Variants in RAB14 observed in about 807,000 individuals in gnomAD.
RAB14 encodes ras-related protein Rab-14.
RAB14 carries 3 observed loss-of-function variants against 31.1 expected under a neutral mutation model. The ratio of observed to expected loss-of-function variants is 0.10; its 90% CI spans 0.04 to 0.25. The LOEUF (loss-of-function observed/expected upper bound fraction) is 0.25, where lower values mean the gene tolerates loss of function less well. RAB14 is among the 10% of genes least tolerant of loss of function. The pLI, the probability that RAB14 is intolerant of heterozygous loss-of-function variation, is 1.00. For synonymous variants in RAB14, 85 were observed against 84.9 expected (o/e 1.00, Z 0.00); for missense variants, 111 against 260.1 (o/e 0.43, Z 3.94).
intron 3 of RAB14, among the ~76,000 whole-genome samples, chr9:121,191,624 A>G (rs1250610728): frequency 1.3e-5 from 2 of 152,198 alleles, no homozygotes; most frequent in East Asian, 1.9e-4. Context: ...TCTCCAGTAC[A>G]AGGACACAGA....
rs1201212204 is a variant in RAB14 at position 121,191,235 on chromosome 9, T to C, written c.107-504A>G. 3.3e-5 allele frequency among the ~76,000 whole-genome samples: 5 copies of C among 152,158 alleles called. No individual in the cohort carries two copies. The East Asian group carries it at 9.6e-4, about 29-fold the overall frequency. On this transcript the variant is annotated intron_variant, in intron 3 of 7. Coordinates refer to ENST00000373840, the MANE Select transcript of RAB14 (RefSeq NM_016322.4). Reference sequence around the variant, plus strand: ...TTAGCCTTCTTACAATCATTATCTATAACAGATCAATCAATGGTCTTGGTA... The same window carrying C: ...TTAGCCTTCTTACAATCATTATCTACAACAGATCAATCAATGGTCTTGGTA...
chr9:121,192,323 G>A, intron 2 of RAB14, 99 bp from the exon 3 acceptor site: 1 of 800,418 alleles, frequency 1.2e-6, no homozygotes, highest in East Asian at 2.9e-5. Flanking sequence ...CAAGTTTCTG[G>A]GACACTTAAC....
intron 4 of RAB14, among the ~76,000 whole-genome samples, chr9:121,187,300 G>A (rs1404049997): frequency 6.6e-6 from 1 of 151,992 alleles, no homozygotes. Context: ...CAATAAGCAA[G>A]CAAGGAACAA....
intron 1 of RAB14, among the ~76,000 whole-genome samples, chr9:121,194,355 T>C (rs1339929988): frequency 6.6e-6 from 1 of 152,164 alleles, no homozygotes; most frequent in Non-Finnish European, 1.5e-5. Flanking sequence ...TTAGAAGATA[T>C]TTCAAAAGAT....
At chr9:121,182,548 T>C (rs1045910869) in intron 7 of RAB14, among the ~76,000 whole-genome samples, 1 of 152,250 alleles carries the variant, frequency 6.6e-6, no homozygotes, top group Non-Finnish European at 1.5e-5. Context: ...AATCATGCTT[T>C]TTAATGTGAT....
intron 4 of RAB14, among the ~76,000 whole-genome samples, chr9:121,189,042 T>C (rs1185024038): frequency 1.3e-5 from 2 of 152,128 alleles, no homozygotes; most frequent in Non-Finnish European, 2.9e-5. Flanking sequence ...AATGAAATCA[T>C]ACAGTATGTG....
At chr9:121,182,628 A>T (rs2053639281) in intron 7 of RAB14, among the ~76,000 whole-genome samples, 1 of 152,252 alleles carries the variant, frequency 6.6e-6, no homozygotes, top group Non-Finnish European at 1.5e-5. Context: ...CACTTGTGAA[A>T]AGTCAAACAC....
Position 121,201,855 on chromosome 9 carries a change from G to A in RAB14, c.-224C>T, listed in dbSNP as rs1179212402. On this transcript the variant is annotated 5_prime_UTR_variant, in exon 1 of 8. Transcript: ENST00000373840. ...CCTGTGCTCCCTCAGTATCTTCCTC[G>A]GGCTGGTCCAAGATGGCGGCGCTCC... 1 of 152,356 alleles carries A rather than the reference G, an allele frequency of 6.6e-6. No individual in the cohort carries two copies. Among genetic ancestry groups the A allele is most frequent in the Non-Finnish European group, 1.5e-5 (1 of 68,206 alleles). 9.4% of individuals were successfully genotyped at this position (152,356 alleles called of 1,614,324 possible). A position where few individuals can be genotyped will look rare whatever the true frequency, so the allele number is the denominator to read the frequency against.
intron 4 of RAB14, among the ~76,000 whole-genome samples, chr9:121,189,549 T>C (rs1269979644): frequency 2.0e-5 from 3 of 152,132 alleles, no homozygotes; most frequent in Admixed American, 6.6e-5. Context: ...TTAGGCACTA[T>C]AATTATAATT....
chr9:121,182,271 G>T (rs1006212224), intron 7 of RAB14, among the ~76,000 whole-genome samples: 1 of 152,090 alleles, frequency 6.6e-6, no homozygotes, highest in Non-Finnish European at 1.5e-5. Flanking sequence ...GAATAATATG[G>T]TCTGCTCAGC....
At chr9:121,182,475 A>G (rs2053638598) in intron 7 of RAB14, among the ~76,000 whole-genome samples, 1 of 152,246 alleles carries the variant, frequency 6.6e-6, no homozygotes, top group South Asian at 2.1e-4. Flanking sequence ...ACAGTTCAAT[A>G]GCAGACATGG....
Position 121,186,996 on chromosome 9 carries a change from C to T in RAB14, c.308G>A (p.Ser103Asn). 6.4e-7 allele frequency: 1 copy of T among 1,567,594 alleles called. No homozygotes were observed. Among genetic ancestry groups the T allele is most frequent in the Non-Finnish European group, 8.6e-7 (1 of 1,157,376 alleles). The change falls in exon 5 of 8, where the codon AGC becomes AAC. Residue 103 changes from serine (S) to asparagine (N), a missense_variant. Transcript: ENST00000373840. ...ITRRSTYNHL[S>N]SWLTDARNLT... ...ATTCCTTGCATCTGTCAACCAGCTG[C>T]TTAAGTGGTTATATGTACTTCTTCT...
intron 1 of RAB14, among the ~76,000 whole-genome samples, chr9:121,195,560 A>G (rs771239300): frequency 2.0e-4 from 31 of 152,306 alleles, no homozygotes; most frequent in Admixed American, 3.9e-4. Flanking sequence ...TAAATGTGAG[A>G]TAACTAATTT....
At chr9:121,201,208 G>A (rs1055177576) in intron 1 of RAB14, among the ~76,000 whole-genome samples, 1 of 152,190 alleles carries the variant, frequency 6.6e-6, no homozygotes, top group African/African-American at 2.4e-5. Flanking sequence ...CCACGTCTGG[G>A]GCTTGCGGGC....
chr9:121,182,308 CG>C (rs1323554630), intron 7 of RAB14, among the ~76,000 whole-genome samples: 1 of 152,160 alleles, frequency 6.6e-6, no homozygotes, highest in Non-Finnish European at 1.5e-5. Context: ...TGTTTTTAAT[CG>C]GGTAATGGTG....
At chr9:121,189,713 ATCAAGAGGAAACCTTTTAAGGCATTT>A (rs1367473794) in intron 4 of RAB14, among the ~76,000 whole-genome samples, 4 of 152,174 alleles carry the variant, frequency 2.6e-5, no homozygotes, top group Non-Finnish European at 5.9e-5. Flanking sequence ...ATTATGACAC[ATCAAGAGGAAACCTTTTAAGGCATTT>A]TCCGAAAGGA....
chr9:121,200,073 A>T (rs765381962), intron 1 of RAB14, among the ~76,000 whole-genome samples: 1 of 152,264 alleles, frequency 6.6e-6, no homozygotes, highest in Non-Finnish European at 1.5e-5. Context: ...CCCTTTATAG[A>T]TAAGGACACT....
chr9:121,181,658 C>G, intron 7 of RAB14, 85 bp from the exon 8 acceptor site: 1 of 1,109,864 alleles, frequency 9.0e-7, no homozygotes, highest in South Asian at 1.7e-5. Flanking sequence ...CTTTAGTTAA[C>G]TGCCATGATG....
rs2053624483 is a variant in RAB14, at chr9:121,180,000, A to G, written c.*1396T>C. 6.6e-6 allele frequency: 1 copy of G among 152,626 alleles called. No homozygotes were observed. The highest frequency in any genetic ancestry group is 2.4e-5 in the African/African-American group (1 of 41,444). 9.5% of individuals were successfully genotyped at this position (152,626 alleles called of 1,614,324 possible). The stretch of plus-strand genomic sequence containing the variant: ...AAAACATGTTGTCCAAAAAAATAAG[A>G]TTGTTTCTCTTGCTATACAGTATTA... On this transcript the variant is annotated 3_prime_UTR_variant, in exon 8 of 8. Transcript: ENST00000373840.
Sources: allele counts gnomAD v4.1 joint callset (sites outside exome capture counted in the v4.1 genomes callset), GRCh38; gene constraint gnomAD v4.1.1; transcripts MANE v1.5; gene names NCBI Gene and HGNC (gene_info 2026-07-23, HGNC 2026-07-21).